The following SPATA6L variants were observed in gnomAD, a reference collection of about 807,000 sequenced individuals.
The protein encoded by SPATA6L is spermatogenesis associated 6-like protein.
In SPATA6L, 68 loss-of-function variants were observed where a neutral mutation model predicts 49.2. The ratio of observed to expected loss-of-function variants is 1.38; its 90% CI spans 1.14 to 1.69. The LOEUF (loss-of-function observed/expected upper bound fraction) is 1.69. Ranked by LOEUF, SPATA6L falls within the 40% of genes most tolerant of loss-of-function variation. The probability of loss-of-function intolerance (pLI) is 0.00; values close to 1 mark genes in which losing one functional copy is unlikely to be tolerated. For synonymous variants in SPATA6L, 198 were observed against 165.7 expected, an observed-to-expected ratio of 1.19 and a Z score of -1.50; for missense variants, 668 against 464.3, an observed-to-expected ratio of 1.44 and a Z score of -4.03.
chr9:4,655,859 C>G (rs10116016), intron 3 of SPATA6L, among the ~76,000 whole-genome samples, 182 bp downstream of exon 3: 65,638 of 152,022 alleles, frequency 0.43, 14,306 homozygotes, highest in East Asian at 0.64. Context: ...CCAAGCCCAT[C>G]TATATATAGA....
At chr9:4,610,156 C>T (rs1320676813) in intron 9 of SPATA6L, among the ~76,000 whole-genome samples, 3 of 152,008 alleles carry the variant, frequency 2.0e-5, no homozygotes, top group Non-Finnish European at 4.4e-5. Flanking sequence ...AGGATACAAA[C>T]AAATGGAAGA....
chr9:4,646,059 T>C (rs1835306001), intron 3 of SPATA6L, among the ~76,000 whole-genome samples: 1 of 152,150 alleles, frequency 6.6e-6, no homozygotes, highest in African/African-American at 2.4e-5. Flanking sequence ...AGGCTGGATT[T>C]GGCTGGGGAC....
At chr9:4,613,220 T>G (rs952174164) in intron 9 of SPATA6L, among the ~76,000 whole-genome samples, 41 of 150,412 alleles carry the variant, frequency 2.7e-4, no homozygotes, top group Middle Eastern at 3.4e-3. Flanking sequence ...ATAGCAAGAT[T>G]CTATCTCAAA....
At chr9:4,663,249 TG>T in intron 1 of SPATA6L, 1 of 1,613,294 alleles carries the variant, frequency 6.2e-7, no homozygotes, top group Non-Finnish European at 8.5e-7. Flanking sequence ...CTTTTTACTG[TG>T]GAGTCAACGA....
chr9:4,647,999 T>A (rs1471564759), intron 3 of SPATA6L, among the ~76,000 whole-genome samples: 1 of 152,108 alleles, frequency 6.6e-6, no homozygotes, highest in Non-Finnish European at 1.5e-5. Context: ...AGCGCCCAGC[T>A]ACTTTTTGTA....
In SPATA6L at chr9:4,631,725, C is replaced by G. The variant is rs1056872855; in HGVS notation, c.352-2557G>C. Among the ~76,000 whole-genome samples the G allele has an allele frequency of 1.8e-4, 28 of 152,138 alleles. 1 individual carries two copies. The highest frequency in any genetic ancestry group is 1.4e-3 in the Admixed American group (21 of 15,264). ...ACATATATGTAATTCATTCTTACTT[C>G]CTACAATATTAATGAAAAGAAATCA... On this transcript the variant is annotated intron_variant, in intron 4 of 11. Transcript: ENST00000682582.
rs376229226 is a variant in SPATA6L, at chr9:4,626,263, T to TA, written c.430-698dup. 10 of 614,416 alleles carry TA rather than the reference T, an allele frequency of 1.6e-5. 1 individual carries two copies. The highest frequency in any genetic ancestry group is 1.2e-4 in the African/African-American group (6 of 51,666). The allele number at this position is 614,416 out of a possible 1,614,324, so 38.1% of individuals were successfully genotyped here. A position where few individuals can be genotyped will look rare whatever the true frequency, so the allele number is the denominator to read the frequency against. ...AGCCTTTCCCCTATTATGCCAGGAC[T>TA]AGCCCCATTGCACTCCTCCAGACAT... On this transcript the variant is annotated intron_variant, in intron 5 of 11. Coordinates refer to ENST00000682582, the MANE Select transcript of SPATA6L (RefSeq NM_001353486.2).
intron 3 of SPATA6L, among the ~76,000 whole-genome samples, chr9:4,646,832 G>A (rs1278380570): frequency 6.6e-6 from 1 of 152,110 alleles, no homozygotes; most frequent in Non-Finnish European, 1.5e-5. Flanking sequence ...AAAACCAAAT[G>A]CAGCCTGTTC....
rs1483863159 is a variant in SPATA6L, at chr9:4,599,594, G to A, written c.*1217C>T. On this transcript the variant is annotated 3_prime_UTR_variant, in exon 12 of 12. Coordinates refer to ENST00000682582, the MANE Select transcript of SPATA6L (RefSeq NM_001353486.2). ...TTCTCACAGTTCTGGAAGCTGGGAA[G>A]TCCAAGATCAGAATGTTGGCAGATG... 6.6e-6 allele frequency among the ~76,000 whole-genome samples: 1 copy of A among 152,198 alleles called. No homozygotes were observed. Among genetic ancestry groups the A allele is most frequent in the Non-Finnish European group, 1.5e-5 (1 of 68,030 alleles).
At chr9:4,644,568 A>G (rs1201829435) in intron 3 of SPATA6L, among the ~76,000 whole-genome samples, 1 of 152,114 alleles carries the variant, frequency 6.6e-6, no homozygotes, top group Non-Finnish European at 1.5e-5. Flanking sequence ...TTACAAGTAA[A>G]AATTATGAAG....
chr9:4,617,378 C>G (rs1828253886), intron 9 of SPATA6L: 2 of 152,300 alleles, frequency 1.3e-5, no homozygotes, highest in South Asian at 4.1e-4. Flanking sequence ...ATCAGGCAGA[C>G]CCAAGCAAAC....
intron 1 of SPATA6L, chr9:4,663,149 C>T: frequency 6.2e-7 from 1 of 1,614,126 alleles, no homozygotes; most frequent in Non-Finnish European, 8.5e-7. Flanking sequence ...GGCACAATGT[C>T]ACCGACGTAG....
At chr9:4,606,232 G>A (rs570233431) in intron 9 of SPATA6L, among the ~76,000 whole-genome samples, 101 of 147,588 alleles carry the variant, frequency 6.8e-4, no homozygotes, top group South Asian at 3.7e-3. Context: ...AGGGGCGCCC[G>A]CCATTGCCCA....
Position 4,662,758 on chromosome 9 carries a change from G to A in SPATA6L, c.40-722C>T, listed in dbSNP as rs778205533. On this transcript the variant is annotated intron_variant, in intron 1 of 11. Transcript: ENST00000682582. The surrounding 1 kb of genome is among the most constrained non-coding windows in gnomAD (Gnocchi z 4.9). ...TGCGCGGGAGAGAGCTCGTCGTGGG[G>A]CAGCGTGCGACCCCTTATGAAGCTG... 1 of 1,604,338 alleles carries A rather than the reference G, an allele frequency of 6.2e-7. No homozygotes were observed. The highest frequency in any genetic ancestry group is 8.5e-7 in the Non-Finnish European group (1 of 1,179,948).
rs1447744657 is a variant in SPATA6L at position 4,662,684 on chromosome 9, G to A, written c.40-648C>T. On this transcript the variant is annotated intron_variant, in intron 1 of 11. Transcript: ENST00000682582. The surrounding 1 kb of genome is among the most constrained non-coding windows in gnomAD (Gnocchi z 4.9). ...ACCCGTCCTTCCTGGGCATCGCCCTGCGCTCCCTGCTGGCCATCGACCTGT... is the reference window on the plus strand; with the variant it reads ...ACCCGTCCTTCCTGGGCATCGCCCTACGCTCCCTGCTGGCCATCGACCTGT... 1.2e-6 allele frequency: 2 copies of A among 1,600,652 alleles called. No individual in the cohort carries two copies. The highest frequency in any genetic ancestry group is 2.2e-5 in the East Asian group (1 of 44,874).
chr9:4,644,681 TCTCTCACACACACACACA>T (rs1564278162), intron 3 of SPATA6L, among the ~76,000 whole-genome samples: 2 of 132,160 alleles, frequency 1.5e-5, no homozygotes, highest in African/African-American at 3.3e-5. Context: ...TCTCTCTCTC[TCTCTCACACACACACACA>T]CACACACACA....
Position 4,662,462 on chromosome 9 carries a change from T to A in SPATA6L, c.40-426A>T, listed in dbSNP as rs980078358. The A allele has an allele frequency of 1.9e-6, 3 of 1,545,280 alleles. No individual in the cohort carries two copies. The African/African-American group carries it at 4.1e-5, about 21-fold the overall frequency. On this transcript the variant is annotated intron_variant, in intron 1 of 11. Transcript: ENST00000682582. The surrounding 1 kb of genome is among the most constrained non-coding windows in gnomAD (Gnocchi z 4.9). ...GCAGCAGCCCCGGCAGCCCAGCCCA[T>A]GGCGGCGGTGGCGGCGGCAGCAGGT...
intron 4 of SPATA6L, among the ~76,000 whole-genome samples, chr9:4,630,940 G>C (rs1409662705): frequency 2.0e-5 from 3 of 152,156 alleles, no homozygotes; most frequent in African/African-American, 7.2e-5. Context: ...TGACAAAACT[G>C]GGAATGAACC....
At chr9:4,606,975 G>C (rs962650458) in intron 9 of SPATA6L, among the ~76,000 whole-genome samples, 1 of 146,862 alleles carries the variant, frequency 6.8e-6, no homozygotes, top group Non-Finnish European at 1.5e-5. Context: ...GAAAACCAAG[G>C]CTCAAGAACT....
Sources: gnomAD v4.1 joint callset for allele counts (sites outside exome capture counted in the v4.1 genomes callset) on GRCh38, gnomAD v4.1.1 for gene constraint, Gnocchi (gnomAD v3.1) non-coding constraint, MANE v1.5 for transcripts, NCBI Gene and HGNC (gene_info 2026-07-23, HGNC 2026-07-21) for gene names.